DSCAM: variants seen among roughly 807,000 people sequenced by gnomAD.
DSCAM encodes the protein DS cell adhesion molecule.
In DSCAM, 47 loss-of-function variants were observed where a neutral mutation model predicts 217.7. That is an observed-to-expected ratio of 0.22 (90% confidence interval 0.17 to 0.28). DSCAM has a LOEUF of 0.28. Among genes scored for constraint, DSCAM ranks in the 10% least tolerant of loss-of-function variants. DSCAM has a pLI of 1.00. For synonymous variants in DSCAM, 1,056 were observed against 1,015.3 expected (o/e 1.04, Z -0.76); for missense variants, 2,080 against 2,618.3 (o/e 0.79, Z 4.49).
At chr21:40,632,400 C>T (rs2089704046) in intron 3 of DSCAM, among the ~76,000 whole-genome samples, 1 of 151,984 alleles carries the variant, frequency 6.6e-6, no homozygotes, top group African/African-American at 2.4e-5. Context: ...TATACATATG[C>T]ATACACAAAT....
At chr21:40,540,171 G>A (rs892509731) in intron 3 of DSCAM, among the ~76,000 whole-genome samples, 2 of 151,914 alleles carry the variant, frequency 1.3e-5, no homozygotes, top group African/African-American at 4.8e-5. Context: ...TTTGATGCCC[G>A]CTCACCTCCC....
intron 19 of DSCAM, among the ~76,000 whole-genome samples, chr21:40,128,277 C>G (rs543123783): frequency 1.3e-5 from 2 of 149,856 alleles, no homozygotes; most frequent in South Asian, 4.3e-4. Context: ...TGATTTCATT[C>G]GTGTCTGTGT....
At chr21:40,273,410 T>C (rs893283896) in intron 11 of DSCAM, among the ~76,000 whole-genome samples, 1 of 152,184 alleles carries the variant, frequency 6.6e-6, no homozygotes, top group Non-Finnish European at 1.5e-5. Context: ...AACTCTATCA[T>C]CTCTCTTTGA....
At chr21:40,708,921 C>T (rs975382026) in intron 1 of DSCAM, 150 bp from the exon 2 acceptor site, 3 of 549,820 alleles carry the variant, frequency 5.5e-6, no homozygotes, top group African/African-American at 1.9e-5. Context: ...TCTGAAAATG[C>T]TGTGAGCAGA....
intron 2 of DSCAM, among the ~76,000 whole-genome samples, chr21:40,707,186 A>G (rs1001874837): frequency 2.6e-4 from 40 of 152,248 alleles, no homozygotes; most frequent in African/African-American, 8.7e-4. Context: ...AGGTTTCCCT[A>G]TAAGTGGTGT....
intron 8 of DSCAM, among the ~76,000 whole-genome samples, chr21:40,330,026 A>T (rs956539784): frequency 6.6e-6 from 1 of 152,012 alleles, no homozygotes; most frequent in Non-Finnish European, 1.5e-5. Flanking sequence ...AAGTGTTCTT[A>T]CCACAAACAT....
chr21:40,726,876 G>C (rs1370609233), intron 1 of DSCAM, among the ~76,000 whole-genome samples: 1 of 152,096 alleles, frequency 6.6e-6, no homozygotes, highest in Non-Finnish European at 1.5e-5. Flanking sequence ...ATTAGTGGGT[G>C]GGTTGTCATG....
chr21:40,062,807 C>T, intron 28 of DSCAM, 62 bp downstream of exon 28: 1 of 1,473,192 alleles, frequency 6.8e-7, no homozygotes, highest in Non-Finnish European at 9.1e-7. Flanking sequence ...TAGAAATCAT[C>T]AAGGCAAGTT....
intron 32 of DSCAM, among the ~76,000 whole-genome samples, chr21:40,036,906 A>G (rs929877949): frequency 3.1e-4 from 47 of 150,714 alleles, no homozygotes; most frequent in Admixed American, 2.6e-4. Flanking sequence ...ACAGAGCCAA[A>G]GACAAAAACC....
chr21:40,740,727 G>C (rs1329163439), intron 1 of DSCAM, among the ~76,000 whole-genome samples: 1 of 152,186 alleles, frequency 6.6e-6, no homozygotes, highest in Non-Finnish European at 1.5e-5. Flanking sequence ...CTGGGGCTGA[G>C]AGGAGGACTC....
At chr21:40,473,240 CAA>C (rs1391798346) in intron 3 of DSCAM, among the ~76,000 whole-genome samples, 1 of 152,162 alleles carries the variant, frequency 6.6e-6, no homozygotes, top group African/African-American at 2.4e-5. Flanking sequence ...GCTGCAGGCA[CAA>C]AGAGTGGCAC....
intron 1 of DSCAM, among the ~76,000 whole-genome samples, chr21:40,732,655 C>T (rs1029901050): frequency 1.3e-5 from 2 of 152,088 alleles, no homozygotes; most frequent in African/African-American, 4.8e-5. Context: ...TTACTTTTGC[C>T]CCTATACTAG....
intron 23 of DSCAM, 137 bp from the exon 24 acceptor site, chr21:40,084,143 T>G: frequency 1.6e-6 from 1 of 623,658 alleles, no homozygotes. Context: ...TACAATTCAC[T>G]TCTGTCAAAA....
intron 9 of DSCAM, among the ~76,000 whole-genome samples, chr21:40,308,680 C>G (rs553843974): frequency 6.2e-4 from 95 of 152,272 alleles, no homozygotes; most frequent in Non-Finnish European, 1.0e-3. Flanking sequence ...CCCCAAGCAG[C>G]TATCTGGGGT....
chr21:40,421,332 G>A (rs187303064), intron 3 of DSCAM, among the ~76,000 whole-genome samples: 40 of 152,316 alleles, frequency 2.6e-4, no homozygotes, highest in Admixed American at 5.2e-4. Flanking sequence ...TACAGTACCT[G>A]TCCTGTCTTG....
At chr21:40,779,397 T>A (rs184997556) in intron 1 of DSCAM, among the ~76,000 whole-genome samples, 17 of 152,356 alleles carry the variant, frequency 1.1e-4, no homozygotes, top group Middle Eastern at 3.4e-3. Context: ...TATTAATTTT[T>A]AATATGTATT....
chr21:40,265,410 A>G (rs2073512225), intron 11 of DSCAM, among the ~76,000 whole-genome samples: 1 of 152,158 alleles, frequency 6.6e-6, no homozygotes, highest in South Asian at 2.1e-4. Context: ...TATTGTGGAA[A>G]TGACCATACT....
chr21:40,437,549 C>G (rs2145907389), intron 3 of DSCAM, among the ~76,000 whole-genome samples: 1 of 152,186 alleles, frequency 6.6e-6, no homozygotes, highest in Middle Eastern at 3.4e-3. Flanking sequence ...CTCAAGTTCA[C>G]AGACCTTAAA....
chr21:40,565,066 G>A (rs915803872), intron 3 of DSCAM, among the ~76,000 whole-genome samples: 2 of 152,174 alleles, frequency 1.3e-5, no homozygotes, highest in African/African-American at 4.8e-5. Context: ...AGACAACAAA[G>A]TAAAGACATA....
Sources: allele counts gnomAD v4.1 joint callset (sites outside exome capture counted in the v4.1 genomes callset), GRCh38; gene constraint gnomAD v4.1.1; transcripts MANE v1.5; gene names NCBI Gene and HGNC (gene_info 2026-07-23, HGNC 2026-07-21).